Variants in MSI2 observed in about 807,000 individuals in gnomAD.
MSI2 encodes the protein musashi RNA binding protein 2.
In MSI2, 17 loss-of-function variants were observed where a neutral mutation model predicts 45.6. The ratio of observed to expected loss-of-function variants is 0.37; its 90% CI spans 0.26 to 0.56. The LOEUF is 0.56. Ranked by LOEUF, MSI2 falls within the 20% of genes least tolerant of loss-of-function variation. The probability of loss-of-function intolerance (pLI) is 0.77; values close to 1 mark genes in which losing one functional copy is unlikely to be tolerated. For missense variants in MSI2, 293 were observed against 444.2 expected (o/e 0.66, Z 3.06); for synonymous variants, 156 against 158.2 (o/e 0.99, Z 0.11).
intron 7 of MSI2, among the ~76,000 whole-genome samples, chr17:57,579,537 C>A (rs1331101701): frequency 6.6e-6 from 1 of 152,222 alleles, no homozygotes; most frequent in Non-Finnish European, 1.5e-5. Flanking sequence ...GACCCCTCTC[C>A]CCTAGACAGT....
intron 6 of MSI2, among the ~76,000 whole-genome samples, chr17:57,466,549 C>T (rs1476240843): frequency 6.6e-6 from 1 of 152,110 alleles, no homozygotes; most frequent in African/African-American, 2.4e-5. Flanking sequence ...CTCTCTCCCT[C>T]CCCCTGCCAC....
At chr17:57,531,576 G>A (rs112413097) in intron 7 of MSI2, among the ~76,000 whole-genome samples, 3 of 152,338 alleles carry the variant, frequency 2.0e-5, no homozygotes, top group African/African-American at 7.2e-5. Context: ...GCCCATTTGA[G>A]TTTGGCACCT....
chr17:57,646,668 G>C (rs1910688003), intron 10 of MSI2, among the ~76,000 whole-genome samples: 2 of 152,210 alleles, frequency 1.3e-5, no homozygotes, highest in South Asian at 4.1e-4. Context: ...CCAAGGGGGT[G>C]ATTCTTCTGT....
chr17:57,438,957 G>A (rs1213988454), intron 6 of MSI2, among the ~76,000 whole-genome samples: 1 of 152,058 alleles, frequency 6.6e-6, no homozygotes, highest in Non-Finnish European at 1.5e-5. Flanking sequence ...CTGCCACCAC[G>A]CCCGGCTATT....
chr17:57,625,453 G>A (rs1908711248), intron 9 of MSI2: 1 of 152,274 alleles, frequency 6.6e-6, no homozygotes, highest in African/African-American at 2.4e-5. Context: ...TGCAGGCAAA[G>A]TGGAATTTAG....
rs540404398 is a variant in MSI2, at chr17:57,567,403, T to C, written c.455-29465T>C. Among the ~76,000 whole-genome samples, 6 of 152,348 alleles carry C rather than the reference T, an allele frequency of 3.9e-5. No homozygotes were observed. In the South Asian group the frequency reaches 1.2e-3, roughly 32 times the overall value. ...TCCAGTTTGAAAAGCACTTTTGAAA[T>C]TATAATGCAATTAAATTGTGTGTGG... On this transcript the variant is annotated intron_variant, in intron 7 of 13. Coordinates refer to ENST00000284073, the MANE Select transcript of MSI2 (RefSeq NM_138962.4).
chr17:57,479,364 A>G (rs1352825075), intron 6 of MSI2, among the ~76,000 whole-genome samples: 1 of 152,070 alleles, frequency 6.6e-6, no homozygotes, highest in Admixed American at 6.6e-5. Context: ...GTTCCTTCTT[A>G]TGTCATCATA....
At chr17:57,414,392 A>AT (rs202045087) in intron 6 of MSI2, among the ~76,000 whole-genome samples, 17,027 of 146,192 alleles carry the variant, frequency 0.12, 1,190 homozygotes, top group African/African-American at 0.18. Context: ...TAAAATTAGG[A>AT]TTTTTTTTTT....
rs539144562 is a variant in MSI2 at position 57,280,439 on chromosome 17, G to A, written c.312+18247G>A. ...TTCTTGGAGGTAGTGATGGAGACCAGTGGATGGATTTGAGATGCATCTGAG... is the reference window on the plus strand; with the variant it reads ...TTCTTGGAGGTAGTGATGGAGACCAATGGATGGATTTGAGATGCATCTGAG... On this transcript the variant is annotated intron_variant, in intron 5 of 13. Coordinates refer to ENST00000284073, the MANE Select transcript of MSI2 (RefSeq NM_138962.4). The surrounding 1 kb of genome is among the most constrained non-coding windows in gnomAD (Gnocchi z 4.2). 3.9e-5 allele frequency among the ~76,000 whole-genome samples: 6 copies of A among 152,334 alleles called. No individual in the cohort carries two copies. The East Asian group carries it at 1.2e-3, about 29-fold the overall frequency.
In MSI2 at chr17:57,461,960, C is replaced by G. The variant is rs1228495144; in HGVS notation, c.405+60489C>G. On this transcript the variant is annotated intron_variant, in intron 6 of 13. Transcript: ENST00000284073. ...TTCCTAGGGCTGCCATAACAAAGTA[C>G]CACAAACTGGGTGCCTCAGCTACAG... Among the ~76,000 whole-genome samples the G allele has an allele frequency of 3.9e-5, 6 of 152,184 alleles. No homozygotes were observed. In the East Asian group the frequency reaches 9.6e-4, roughly 24 times the overall value.
intron 6 of MSI2, among the ~76,000 whole-genome samples, chr17:57,488,805 C>T (rs143382452): frequency 0.012 from 1,749 of 150,008 alleles, 31 homozygotes; most frequent in African/African-American, 0.041. Flanking sequence ...GCTTGGGCAA[C>T]AAGAGTGAAA....
At position 57,552,656 on chromosome 17, in the gene MSI2, G is replaced by T. The variant is rs892617479; in HGVS notation, c.454+22932G>T. Among the ~76,000 whole-genome samples, 10 of 152,208 alleles carry T rather than the reference G, an allele frequency of 6.6e-5. No homozygotes were observed. The highest frequency in any genetic ancestry group is 8.8e-5 in the Non-Finnish European group (6 of 68,036). ...TACGTTTGAAGTTTTTCTACAACCA[G>T]AAGGTGATTCTCTGGCTTCTGAGCT... On this transcript the variant is annotated intron_variant, in intron 7 of 13. Transcript: ENST00000284073. The surrounding 1 kb of genome is among the most constrained non-coding windows in gnomAD (Gnocchi z 4.3).
chr17:57,506,136 C>T (rs1055478424), intron 6 of MSI2, among the ~76,000 whole-genome samples: 6 of 152,186 alleles, frequency 3.9e-5, no homozygotes, highest in African/African-American at 1.2e-4. Context: ...GGAGGTGGGA[C>T]GTTTTCTTTA....
At chr17:57,647,912 G>T (rs1465153943) in intron 10 of MSI2, among the ~76,000 whole-genome samples, 1 of 151,528 alleles carries the variant, frequency 6.6e-6, no homozygotes, top group Non-Finnish European at 1.5e-5. Context: ...AAAGTGCTAG[G>T]ATTACAGGCA....
intron 6 of MSI2, among the ~76,000 whole-genome samples, chr17:57,452,993 G>C (rs1357201634): frequency 7.3e-6 from 1 of 137,316 alleles, no homozygotes; most frequent in Non-Finnish European, 1.5e-5. Context: ...CTTGTTTCTG[G>C]TTGAGGGACT....
At chr17:57,541,645 A>T (rs2087048735) in intron 7 of MSI2, among the ~76,000 whole-genome samples, 2 of 152,220 alleles carry the variant, frequency 1.3e-5, no homozygotes, top group African/African-American at 4.8e-5. Flanking sequence ...GGCAACACCT[A>T]CAGGTCTTCA....
intron 5 of MSI2, among the ~76,000 whole-genome samples, chr17:57,330,994 A>T (rs1914213053): frequency 6.7e-6 from 1 of 148,210 alleles, no homozygotes; most frequent in African/African-American, 2.6e-5. Context: ...TGCAACCTCC[A>T]CCTCCTGGGT....
chr17:57,597,527 G>A (rs536418251), intron 8 of MSI2, among the ~76,000 whole-genome samples: 3 of 145,884 alleles, frequency 2.1e-5, no homozygotes, highest in Non-Finnish European at 3.0e-5. Flanking sequence ...CCACCTACTC[G>A]AGGTGAGAGG....
intron 8 of MSI2, among the ~76,000 whole-genome samples, chr17:57,598,625 T>A (rs749975715): frequency 1.3e-5 from 2 of 152,180 alleles, no homozygotes; most frequent in African/African-American, 2.4e-5. Context: ...CGTGCAAGTT[T>A]ACAGTTGGTA....
Sources: gnomAD v4.1 joint callset for allele counts (sites outside exome capture counted in the v4.1 genomes callset) on GRCh38, gnomAD v4.1.1 for gene constraint, Gnocchi (gnomAD v3.1) non-coding constraint, MANE v1.5 for transcripts, NCBI Gene and HGNC (gene_info 2026-07-23, HGNC 2026-07-21) for gene names.